The following ADCY5 variants were observed in gnomAD, a reference collection of about 807,000 sequenced individuals.
The protein encoded by ADCY5 is adenylate cyclase type 5.
A neutral mutation model predicts 119.7 loss-of-function variants in ADCY5; 30 were observed. The observed-to-expected ratio is 0.25, with a 90% CI of 0.19 to 0.34. The LOEUF is 0.34. Ranked by LOEUF, ADCY5 falls within the 10% of genes least tolerant of loss-of-function variation. The probability of loss-of-function intolerance (pLI) is 1.00; values close to 1 mark genes in which losing one functional copy is unlikely to be tolerated. For missense variants in ADCY5, 1,324 were observed against 1,775.2 expected (o/e 0.75, Z 4.57); for synonymous variants, 753 against 762.2 (o/e 0.99, Z 0.20).
At position 123,284,353 on chromosome 3, in the gene ADCY5, C is replaced by T. The variant is rs1327079827; in HGVS notation, c.*255G>A. On this transcript the variant is annotated 3_prime_UTR_variant, in exon 21 of 21. Coordinates refer to ENST00000462833, the MANE Select transcript of ADCY5 (RefSeq NM_183357.3). ...TGTTAGAAAACTCAAGCTTCAGACC[C>T]AGTCTAGCAGAGTCTTCTACAGAGG... 8.2e-6 allele frequency: 4 copies of T among 487,338 alleles called. No homozygotes were observed. Among genetic ancestry groups the T allele is most frequent in the Non-Finnish European group, 1.1e-5 (3 of 272,702 alleles). 30.2% of individuals were successfully genotyped at this position (487,338 alleles called of 1,614,324 possible). A position where few individuals can be genotyped will look rare whatever the true frequency, so the allele number is the denominator to read the frequency against.
intron 1 of ADCY5, among the ~76,000 whole-genome samples, chr3:123,363,413 C>T (rs1576625569): frequency 6.6e-6 from 1 of 152,156 alleles, no homozygotes; most frequent in Admixed American, 6.5e-5. Flanking sequence ...TCGGCATAAC[C>T]TTTCTGGAAA....
chr3:123,351,288 G>A (rs1005055510), intron 2 of ADCY5, among the ~76,000 whole-genome samples: 1 of 152,146 alleles, frequency 6.6e-6, no homozygotes, highest in Non-Finnish European at 1.5e-5. Flanking sequence ...GCAACCAGAT[G>A]GCATCAAGGA....
At chr3:123,332,446 T>G in intron 4 of ADCY5, 118 bp downstream of exon 4, 2 of 751,306 alleles carry the variant, frequency 2.7e-6, no homozygotes, top group Non-Finnish European at 4.6e-6. Flanking sequence ...CAGGCTCTGC[T>G]CAGCAGGATA....
chr3:123,307,981 C>T (rs1940289085), intron 12 of ADCY5, among the ~76,000 whole-genome samples: 1 of 145,504 alleles, frequency 6.9e-6, no homozygotes, highest in South Asian at 2.2e-4. Flanking sequence ...GGCTTGCTTG[C>T]TTGCTACAAG....
At chr3:123,295,336 G>T (rs1939433213) in intron 17 of ADCY5, among the ~76,000 whole-genome samples, 2 of 152,174 alleles carry the variant, frequency 1.3e-5, no homozygotes, top group Admixed American at 6.5e-5. Flanking sequence ...GCTCTGCACA[G>T]GGCTGGGCTG....
At position 123,447,268 on chromosome 3, in the gene ADCY5, C is replaced by A. The variant is rs142165175; in HGVS notation, c.1134+144G>T. On this transcript the variant is annotated intron_variant, in intron 1 of 20. Coordinates refer to ENST00000462833, the MANE Select transcript of ADCY5 (RefSeq NM_183357.3). ...CTGGGGCTCAGAGTGGGGTAAGAAG[C>A]TCCCAAATAGCCTACATGGCCGAGC... The A allele has an allele frequency of 1.7e-3, 1,626 of 941,504 alleles. 24 individuals are homozygous for A. In the African/African-American group the frequency reaches 0.024, roughly 14 times the overall value. The allele number at this position is 941,504 out of a possible 1,614,324, so 58.3% of individuals were successfully genotyped here.
intron 11 of ADCY5, among the ~76,000 whole-genome samples, chr3:123,315,726 C>CCACCATACCTAGCTGATTTTTGCGT (rs1392981882): frequency 1.3e-5 from 2 of 152,112 alleles, no homozygotes; most frequent in Non-Finnish European, 2.9e-5. Flanking sequence ...CAGGTGTGCA[C>CCACCATACCTAGCTGATTTTTGCGT]CACCATACCT....
chr3:123,338,979 C>T (rs186690667), intron 3 of ADCY5, among the ~76,000 whole-genome samples: 3 of 152,328 alleles, frequency 2.0e-5, no homozygotes, highest in East Asian at 3.9e-4. Flanking sequence ...GTGCTAATCA[C>T]CAGCTCCTCT....
chr3:123,427,770 T>A (rs921776856), intron 1 of ADCY5, among the ~76,000 whole-genome samples: 4 of 152,228 alleles, frequency 2.6e-5, no homozygotes, highest in Non-Finnish European at 4.4e-5. Flanking sequence ...TTAACTGAGT[T>A]AACAGAAGTA....
chr3:123,403,588 G>A (rs186177630), intron 1 of ADCY5, among the ~76,000 whole-genome samples: 26 of 152,238 alleles, frequency 1.7e-4, no homozygotes, highest in African/African-American at 5.8e-4. Context: ...CAAGTGAGGT[G>A]CGCAATCAGT....
chr3:123,304,378 C>T (rs769011657), intron 12 of ADCY5, among the ~76,000 whole-genome samples, 195 bp from the exon 13 acceptor site: 9 of 152,144 alleles, frequency 5.9e-5, no homozygotes, highest in African/African-American at 9.7e-5. Flanking sequence ...TCCAGGTCAA[C>T]GGCAGGGCAG....
Position 123,284,285 on chromosome 3 carries a change from C to T in ADCY5, c.*323G>A. On this transcript the variant is annotated 3_prime_UTR_variant, in exon 21 of 21. Coordinates refer to ENST00000462833, the MANE Select transcript of ADCY5 (RefSeq NM_183357.3). Reference sequence around the variant, plus strand: ...CCCTGCCCTTGTCTGGGCCGTGCCACACACACATTCCCACGGCTCCTTTCC... The same window carrying T: ...CCCTGCCCTTGTCTGGGCCGTGCCATACACACATTCCCACGGCTCCTTTCC... The T allele has an allele frequency of 3.3e-6, 1 of 301,778 alleles. No individual in the cohort carries two copies. Among genetic ancestry groups the T allele is most frequent in the South Asian group, 4.4e-5 (1 of 22,644 alleles). The allele number at this position is 301,778 out of a possible 1,614,324, so 18.7% of individuals were successfully genotyped here. A position where few individuals can be genotyped will look rare whatever the true frequency, so the allele number is the denominator to read the frequency against.
At position 123,379,160 on chromosome 3, in the gene ADCY5, T is replaced by C. The variant is rs144216088; in HGVS notation, c.1135-26579A>G. 2.7e-3 allele frequency among the ~76,000 whole-genome samples: 404 copies of C among 152,256 alleles called. 2 individuals are homozygous for C. Among genetic ancestry groups the C allele is most frequent in the African/African-American group, 9.2e-3 (383 of 41,540 alleles). ...GGGCAGTGGATGTGAATGTTCACTT[T>C]AATACACGCCTGTCATGGGACTGGC... is the stretch of plus-strand genomic sequence containing the variant. On this transcript the variant is annotated intron_variant, in intron 1 of 20. Coordinates refer to ENST00000462833, the MANE Select transcript of ADCY5 (RefSeq NM_183357.3).
chr3:123,370,513 C>T (rs1330136400), intron 1 of ADCY5, among the ~76,000 whole-genome samples: 4 of 152,144 alleles, frequency 2.6e-5, no homozygotes, highest in Non-Finnish European at 4.4e-5. Flanking sequence ...TTATCAAACA[C>T]GTTCTTCTGG....
chr3:123,445,157 T>C (rs1405805879), intron 1 of ADCY5, among the ~76,000 whole-genome samples: 1 of 152,140 alleles, frequency 6.6e-6, no homozygotes, highest in Non-Finnish European at 1.5e-5. Context: ...TAAGTGTAAA[T>C]CCACCCAAAA....
intron 2 of ADCY5, among the ~76,000 whole-genome samples, chr3:123,350,047 T>A (rs956615509): frequency 6.6e-6 from 1 of 152,206 alleles, no homozygotes; most frequent in East Asian, 1.9e-4. Context: ...CCACTCCAGA[T>A]AGAGCAGAAC....
chr3:123,432,943 A>C (rs1299013668), intron 1 of ADCY5, among the ~76,000 whole-genome samples: 2 of 152,232 alleles, frequency 1.3e-5, no homozygotes, highest in Non-Finnish European at 2.9e-5. Context: ...TGCCAAAGTC[A>C]GAACTCCTGT....
intron 1 of ADCY5, among the ~76,000 whole-genome samples, chr3:123,406,727 A>G (rs1248103281): frequency 6.6e-6 from 1 of 152,180 alleles, no homozygotes; most frequent in Non-Finnish European, 1.5e-5. Flanking sequence ...TGGGAGGGAC[A>G]AGGACGCTTG....
rs189650739 is a variant in ADCY5, at chr3:123,419,089, C to T, written c.1134+28323G>A. ...AGCCAATCCCCCACAGTAAATCTTT[C>T]TATATGTCTATATAAATCCTAAGGG... On this transcript the variant is annotated intron_variant, in intron 1 of 20. Transcript: ENST00000462833. 2,665 of 937,800 alleles carry T rather than the reference C, an allele frequency of 2.8e-3. 3 individuals carry two copies. Among genetic ancestry groups the T allele is most frequent in the Admixed American group, 5.9e-3 (95 of 16,238 alleles). 58.1% of individuals were successfully genotyped at this position (937,800 alleles called of 1,614,324 possible).
Sources: allele counts gnomAD v4.1 joint callset (sites outside exome capture counted in the v4.1 genomes callset), GRCh38; gene constraint gnomAD v4.1.1; transcripts MANE v1.5; gene names NCBI Gene and HGNC (gene_info 2026-07-23, HGNC 2026-07-21).